Variants in PCDHGB1 observed in about 807,000 individuals in gnomAD.
PCDHGB1 encodes protocadherin gamma-B1.
PCDHGB1 carries 34 observed loss-of-function variants against 56.6 expected under a neutral mutation model. The ratio of observed to expected loss-of-function variants is 0.60; its 90% CI spans 0.46 to 0.80. The LOEUF (loss-of-function observed/expected upper bound fraction) is 0.80. Ranked by LOEUF, PCDHGB1 falls within the 30% of genes least tolerant of loss-of-function variation. The pLI is 0.00. For synonymous variants in PCDHGB1, 561 were observed against 505.9 expected (o/e 1.11, Z -1.46); for missense variants, 1,278 against 1,204.6 (o/e 1.06, Z -0.90).
intron 1 of PCDHGB1, among the ~76,000 whole-genome samples, chr5:141,482,832 G>A (rs2099573281): frequency 6.6e-6 from 1 of 152,188 alleles, no homozygotes; most frequent in Non-Finnish European, 1.5e-5. Flanking sequence ...AGCACTTTGG[G>A]AGGCCAAGGT....
intron 1 of PCDHGB1, chr5:141,372,478 C>A: frequency 6.2e-7 from 1 of 1,614,070 alleles, no homozygotes. Context: ...CTAGTAGTGG[C>A]GTTGGCCTTG....
chr5:141,489,042 A>T lies in PCDHGB1; in HGVS notation c.2410-5765A>T. On this transcript the variant is annotated intron_variant, in intron 1 of 3. Coordinates refer to ENST00000523390, the MANE Select transcript of PCDHGB1 (RefSeq NM_018922.3). This position sits in a 1 kb window ranked among gnomAD's most constrained non-coding sequence, Gnocchi z 4.5. ...TCTCCTCCTCCAGCTCCCCAGCTCCACTCAAATTCAGCTCCCCTCCCCCCT... is the reference window on the plus strand; with the variant it reads ...TCTCCTCCTCCAGCTCCCCAGCTCCTCTCAAATTCAGCTCCCCTCCCCCCT... The T allele has an allele frequency of 4.2e-6, 2 of 473,800 alleles. No individual in the cohort carries two copies. The highest frequency in any genetic ancestry group is 3.7e-6 in the Non-Finnish European group (1 of 270,920). 29.3% of individuals were successfully genotyped at this position (473,800 alleles called of 1,614,324 possible).
chr5:141,409,919 G>C (rs774277848), intron 1 of PCDHGB1: 1 of 1,613,346 alleles, frequency 6.2e-7, no homozygotes, highest in South Asian at 1.1e-5. Flanking sequence ...TGACGGCTCC[G>C]CGTTCTTCGA....
intron 1 of PCDHGB1, among the ~76,000 whole-genome samples, chr5:141,381,279 A>G (rs1001552478): frequency 3.3e-5 from 5 of 152,246 alleles, no homozygotes; most frequent in Non-Finnish European, 7.3e-5. Flanking sequence ...GTTTCTTGCC[A>G]GGTCTTTATT....
At chr5:141,375,421 C>A in intron 1 of PCDHGB1, 1 of 1,613,998 alleles carries the variant, frequency 6.2e-7, no homozygotes, top group African/African-American at 1.3e-5. Context: ...CAGACACCAA[C>A]GACAACCCGC....
intron 2 of PCDHGB1, among the ~76,000 whole-genome samples, chr5:141,502,250 T>A (rs915754322): frequency 2.6e-5 from 4 of 152,242 alleles, no homozygotes; most frequent in East Asian, 3.8e-4. Context: ...TCCTTTTTTT[T>A]AATCCAGGAT....
chr5:141,459,406 A>C (rs2098967498), intron 1 of PCDHGB1, among the ~76,000 whole-genome samples: 1 of 152,218 alleles, frequency 6.6e-6, no homozygotes, highest in Admixed American at 6.5e-5. Flanking sequence ...GCAGTATTGC[A>C]TTGTGTGGAT....
intron 1 of PCDHGB1, chr5:141,419,779 GC>G: frequency 1.2e-6 from 2 of 1,614,064 alleles, no homozygotes; most frequent in African/African-American, 2.7e-5. Context: ...CGGTCCGCCA[GC>G]GCCTGCTAGT....
chr5:141,370,719 GTTGCTGA>G, intron 1 of PCDHGB1: 1 of 1,613,852 alleles, frequency 6.2e-7, no homozygotes. Flanking sequence ...ATTTGAAATG[GTTGCTGA>G]AAAGCCTTTA....
chr5:141,510,709 CAGTGAGTAAGGAA>C (rs1452833908), intron 3 of PCDHGB1, among the ~76,000 whole-genome samples: 7 of 152,168 alleles, frequency 4.6e-5, no homozygotes, highest in Admixed American at 4.6e-4. Flanking sequence ...CCCAGGATCA[CAGTGAGTAAGGAA>C]AGGAGCTAGG....
At chr5:141,419,452 G>T (rs1590172506) in intron 1 of PCDHGB1, 1 of 1,612,754 alleles carries the variant, frequency 6.2e-7, no homozygotes, top group Non-Finnish European at 8.5e-7. Flanking sequence ...TCGAGCTCAC[G>T]CTGCAGGCCC....
intron 1 of PCDHGB1, chr5:141,376,551 C>T: frequency 6.2e-7 from 1 of 1,611,758 alleles, no homozygotes; most frequent in South Asian, 1.1e-5. Flanking sequence ...TCTGATCTTC[C>T]CGCAACCCAA....
intron 1 of PCDHGB1, among the ~76,000 whole-genome samples, chr5:141,450,487 G>A (rs1379694010): frequency 1.3e-5 from 2 of 151,938 alleles, no homozygotes; most frequent in African/African-American, 2.4e-5. Context: ...TTGTTTGTTT[G>A]TCTGTTTGTT....
intron 1 of PCDHGB1, chr5:141,362,510 A>C: frequency 6.2e-7 from 1 of 1,613,948 alleles, no homozygotes; most frequent in Non-Finnish European, 8.5e-7. Flanking sequence ...CAAAATACAA[A>C]TCATGGAGCC....
chr5:141,393,412 T>A (rs1382243931), intron 1 of PCDHGB1: 3 of 1,614,032 alleles, frequency 1.9e-6, no homozygotes, highest in South Asian at 1.1e-5. Flanking sequence ...GAGCGCGCCC[T>A]GGACAGGGAG....
intron 1 of PCDHGB1, chr5:141,371,291 G>A (rs755232454): frequency 2.5e-6 from 4 of 1,613,976 alleles, no homozygotes; most frequent in Non-Finnish European, 3.4e-6. Context: ...GTAAAACGGG[G>A]GAACTCACCA....
intron 1 of PCDHGB1, chr5:141,395,077 A>T: frequency 6.2e-7 from 1 of 1,614,142 alleles, no homozygotes; most frequent in Non-Finnish European, 8.5e-7. Flanking sequence ...ACCTATTCCC[A>T]GGAAGTCTCC....
chr5:141,385,223 A>C (rs766051345), intron 1 of PCDHGB1: 6 of 1,614,184 alleles, frequency 3.7e-6, no homozygotes. Flanking sequence ...CAGCCCAACT[A>C]TGTAGACATG....
chr5:141,422,785 T>C, intron 1 of PCDHGB1: 1 of 1,614,146 alleles, frequency 6.2e-7, no homozygotes, highest in Non-Finnish European at 8.5e-7. Flanking sequence ...TGCCCTACAA[T>C]CCTTCGACTA....
Sources: allele counts gnomAD v4.1 joint callset (sites outside exome capture counted in the v4.1 genomes callset), GRCh38; gene constraint gnomAD v4.1.1; non-coding constraint Gnocchi (gnomAD v3.1); transcripts MANE v1.5; gene names NCBI Gene and HGNC (gene_info 2026-07-23, HGNC 2026-07-21).